MLIP: variants seen among roughly 807,000 people sequenced by gnomAD.
The protein encoded by MLIP is muscular LMNA interacting protein.
Under a neutral mutation model 84.8 loss-of-function variants are expected in MLIP, and 79 were observed. The observed-to-expected ratio is 0.93, with a 90% CI of 0.78 to 1.12. MLIP has a LOEUF of 1.12. MLIP is among the 50% of genes most tolerant of loss of function. The pLI is 0.00. For synonymous variants in MLIP, 504 were observed against 463.0 expected (o/e 1.09, Z -1.14); for missense variants, 1,257 against 1,160.6 (o/e 1.08, Z -1.21).
intron 1 of MLIP, among the ~76,000 whole-genome samples, chr6:54,093,329 AATTCT>A (rs70980891): frequency 0.11 from 15,360 of 133,958 alleles, 880 homozygotes; most frequent in South Asian, 0.14. Flanking sequence ...TTTTCGATTA[AATTCT>A]ATTCTATTCT....
Position 54,164,815 on chromosome 6 carries a change from G to A in MLIP, c.2499+4016G>A, listed in dbSNP as rs79094471. 8.3e-3 allele frequency among the ~76,000 whole-genome samples: 1,258 copies of A among 151,586 alleles called. 17 individuals are homozygous for A. The highest frequency in any genetic ancestry group is 0.028 in the African/African-American group (1,170 of 41,338). On this transcript the variant is annotated intron_variant, in intron 8 of 13. Transcript: ENST00000502396. ...CTCTTTTTTTTTTAATTGCTGATTA[G>A]TAGTCCACTGTGTGGATGTTCCATC...
At chr6:54,247,677 G>A (rs955675397) in intron 12 of MLIP, among the ~76,000 whole-genome samples, 2 of 152,134 alleles carry the variant, frequency 1.3e-5, no homozygotes, top group Non-Finnish European at 2.9e-5. Flanking sequence ...CCAGGAAGAT[G>A]GGTCTGGCAG....
rs531044767 is a variant in MLIP at position 54,249,846 on chromosome 6, T to C, written c.2923-7462T>C. 4.6e-5 allele frequency among the ~76,000 whole-genome samples: 7 copies of C among 152,142 alleles called. No homozygotes were observed. The East Asian group carries it at 1.2e-3, about 25-fold the overall frequency. ...GGGGTCCATTTGCAGGTTTGTTACA[T>C]AGGTAAATGTACGTTAAGGGGATTT... is the stretch of plus-strand genomic sequence containing the variant. On this transcript the variant is annotated intron_variant, in intron 12 of 13. Coordinates refer to ENST00000502396, the MANE Select transcript of MLIP (RefSeq NM_001281747.2).
chr6:54,233,878 T>C, intron 12 of MLIP, among the ~76,000 whole-genome samples: 1 of 152,320 alleles, frequency 6.6e-6, no homozygotes, highest in East Asian at 1.9e-4. Context: ...GACTTTTTAA[T>C]GATCACCATT....
chr6:54,213,734 A>AAAAAAAAAACAAAAAAC lies in MLIP; in HGVS notation c.2718+11503_2718+11504insAAAAAAACAAAAAACAA, dbSNP rs368508685. ...AAAAAAAAAAAAAAAAAAAAAAAAA[A>AAAAAAAAAACAAAAAAC]AACAACAAACAGCATATCTTGTATG... On this transcript the variant is annotated intron_variant, in intron 11 of 13. Transcript: ENST00000502396. Among the ~76,000 whole-genome samples, 5 of 82,372 alleles carry AAAAAAAAAACAAAAAAC rather than the reference A, an allele frequency of 6.1e-5. 1 individual carries two copies. Among genetic ancestry groups the AAAAAAAAAACAAAAAAC allele is most frequent in the Non-Finnish European group, 9.5e-5 (4 of 42,156 alleles). 54.0% of individuals were successfully genotyped at this position (82,372 alleles called of 152,430 possible).
At chr6:54,259,646 A>G (rs142064969) in intron 13 of MLIP, among the ~76,000 whole-genome samples, 1 of 152,014 alleles carries the variant, frequency 6.6e-6, no homozygotes, top group East Asian at 1.9e-4. Context: ...CCATAAAATG[A>G]TTTTGATTCA....
intron 13 of MLIP, among the ~76,000 whole-genome samples, chr6:54,265,681 C>G (rs1304935728): frequency 6.6e-6 from 1 of 152,064 alleles, no homozygotes; most frequent in Non-Finnish European, 1.5e-5. Context: ...TCAAAACCAT[C>G]ATGGCACTTT....
At chr6:54,080,843 T>C (rs1767096369) in intron 1 of MLIP, among the ~76,000 whole-genome samples, 5 of 151,408 alleles carry the variant, frequency 3.3e-5, no homozygotes, top group East Asian at 1.9e-4. Context: ...TTTTAAAGTA[T>C]AGTTTTTTTT....
intron 4 of MLIP, among the ~76,000 whole-genome samples, chr6:54,144,091 C>G (rs1772568195): frequency 6.6e-6 from 1 of 152,118 alleles, no homozygotes; most frequent in African/African-American, 2.4e-5. Flanking sequence ...CCACCTCTAG[C>G]TTTTCCATTA....
intron 1 of MLIP, among the ~76,000 whole-genome samples, chr6:54,041,293 G>A (rs779903363): frequency 7.9e-5 from 12 of 151,942 alleles, no homozygotes; most frequent in Non-Finnish European, 1.3e-4. Flanking sequence ...GCATTGTATC[G>A]GTGTTCCACA....
At chr6:54,039,051 T>C (rs968565454) in intron 1 of MLIP, among the ~76,000 whole-genome samples, 2 of 151,912 alleles carry the variant, frequency 1.3e-5, no homozygotes, top group African/African-American at 2.4e-5. Context: ...GAAATCTATA[T>C]AACCAATTTA....
intron 1 of MLIP, among the ~76,000 whole-genome samples, chr6:54,070,443 A>G (rs779451424): frequency 9.2e-5 from 14 of 152,214 alleles, no homozygotes; most frequent in African/African-American, 1.9e-4. Flanking sequence ...TATGCAGTCA[A>G]TGATTTCCAA....
intron 1 of MLIP, chr6:54,083,368 A>G: frequency 2.0e-6 from 2 of 1,017,828 alleles, no homozygotes; most frequent in Non-Finnish European, 2.8e-6. Flanking sequence ...GATTGAAATA[A>G]CAGATGCATT....
Position 54,111,518 on chromosome 6 carries a change from CA to C in MLIP, c.41del (p.Asn14IlefsTer5). 1 of 1,536,018 alleles carries C rather than the reference CA, an allele frequency of 6.5e-7. No homozygotes were observed. Among genetic ancestry groups the C allele is most frequent in the Non-Finnish European group, 8.7e-7 (1 of 1,146,862 alleles). On this transcript the variant is annotated frameshift_variant, in exon 1 of 14. Coordinates refer to ENST00000502396, the MANE Select transcript of MLIP (RefSeq NM_001281747.2). LOFTEE classifies it high-confidence loss of function. The stretch of plus-strand genomic sequence containing the variant: ...AGGGGCTTCTGAGTGACTGCGGGAA[CA>C]ATTACTTCCAAATGACCTCGTGCAT... ...EQGLLSDCGNNYFQMTSCILS... is the reference protein window; with the variant it reads ...EQGLLSDCGNXYFQMTSCILS...
intron 9 of MLIP, among the ~76,000 whole-genome samples, chr6:54,177,980 T>C (rs1227384185): frequency 1.3e-5 from 2 of 152,090 alleles, no homozygotes; most frequent in Admixed American, 1.3e-4. Context: ...CACATATAAG[T>C]GGGACCTGAA....
chr6:54,027,074 T>G (rs1763847103), intron 1 of MLIP, among the ~76,000 whole-genome samples: 1 of 152,216 alleles, frequency 6.6e-6, no homozygotes, highest in African/African-American at 2.4e-5. Flanking sequence ...TTTCTATTTT[T>G]ATATTATCAC....
chr6:54,230,945 T>C, intron 12 of MLIP, 28 bp downstream of exon 12: 2 of 1,601,528 alleles, frequency 1.2e-6, no homozygotes, highest in Non-Finnish European at 1.7e-6. Context: ...AAATGAGGAC[T>C]ATTCTATTCT....
intron 8 of MLIP, among the ~76,000 whole-genome samples, chr6:54,162,957 A>G (rs1221300934): frequency 6.6e-6 from 1 of 152,008 alleles, no homozygotes; most frequent in Non-Finnish European, 1.5e-5. Context: ...GCAATGTGAT[A>G]TCATGGAAGC....
At chr6:54,257,945 C>CT (rs1474236185) in intron 13 of MLIP, among the ~76,000 whole-genome samples, 1 of 151,924 alleles carries the variant, frequency 6.6e-6, no homozygotes, top group Non-Finnish European at 1.5e-5. Context: ...AAACAACTTT[C>CT]TTTTTTTAAA....
Sources: allele counts gnomAD v4.1 joint callset (sites outside exome capture counted in the v4.1 genomes callset), GRCh38; gene constraint gnomAD v4.1.1; transcripts MANE v1.5; gene names NCBI Gene and HGNC (gene_info 2026-07-23, HGNC 2026-07-21).